The following SORCS1 variants were observed in gnomAD, a reference collection of about 807,000 sequenced individuals.
SORCS1 encodes the protein VPS10 domain-containing receptor SorCS1.
A neutral mutation model predicts 146.1 loss-of-function variants in SORCS1; 60 were observed. That is an observed-to-expected ratio of 0.41 (90% CI 0.33 to 0.51). The LOEUF is 0.51. Among genes scored for constraint, SORCS1 ranks in the 20% least tolerant of loss-of-function variants. The pLI is 0.21. For missense variants in SORCS1, 1,352 were observed against 1,487.6 expected (o/e 0.91, Z 1.50); for synonymous variants, 637 against 584.0 (o/e 1.09, Z -1.31).
intron 19 of SORCS1, among the ~76,000 whole-genome samples, chr10:106,627,774 A>C (rs944840040): frequency 6.6e-6 from 1 of 152,210 alleles, no homozygotes; most frequent in African/African-American, 2.4e-5. Context: ...GGGAGTAGAT[A>C]GTAAAAGCTA....
At chr10:107,127,969 T>G (rs966817716) in intron 1 of SORCS1, among the ~76,000 whole-genome samples, 1 of 152,228 alleles carries the variant, frequency 6.6e-6, no homozygotes, top group Non-Finnish European at 1.5e-5. Context: ...ACACTTATAG[T>G]GATTTCAGCT....
chr10:106,765,581 T>C (rs1859507620), intron 4 of SORCS1, among the ~76,000 whole-genome samples: 1 of 152,064 alleles, frequency 6.6e-6, no homozygotes, highest in Admixed American at 6.6e-5. Flanking sequence ...TGGTAGGCAC[T>C]GACAAAGAGG....
chr10:106,975,685 A>G (rs1366093009), intron 1 of SORCS1, among the ~76,000 whole-genome samples: 4 of 152,242 alleles, frequency 2.6e-5, no homozygotes, highest in Admixed American at 1.3e-4. Context: ...TGATTCTTCA[A>G]TAAGACATCC....
the SORCS1 span, among the ~76,000 whole-genome samples, chr10:107,178,763 C>T: frequency 1.6e-4 from 25 of 152,244 alleles, no homozygotes; most frequent in African/African-American, 6.0e-4. Context: ...GCTGGGATTA[C>T]AGGCGTGAGC....
chr10:106,994,136 A>C (rs927587745), intron 1 of SORCS1, among the ~76,000 whole-genome samples: 2 of 152,014 alleles, frequency 1.3e-5, no homozygotes. Context: ...AGTAAAAACA[A>C]TAAACCCACT....
At chr10:106,691,013 G>A (rs1364744360) in intron 9 of SORCS1, among the ~76,000 whole-genome samples, 1 of 152,124 alleles carries the variant, frequency 6.6e-6, no homozygotes, top group Non-Finnish European at 1.5e-5. Flanking sequence ...AAGCATTAGT[G>A]CCCCAAATGT....
intron 1 of SORCS1, among the ~76,000 whole-genome samples, chr10:106,971,933 G>C (rs1475667364): frequency 6.6e-6 from 1 of 152,184 alleles, no homozygotes; most frequent in Non-Finnish European, 1.5e-5. Context: ...GCCAAATAGA[G>C]TATGTATGGT....
At chr10:106,938,492 A>G (rs937722415) in intron 2 of SORCS1, among the ~76,000 whole-genome samples, 1 of 152,224 alleles carries the variant, frequency 6.6e-6, no homozygotes, top group African/African-American at 2.4e-5. Context: ...TAGCTAAGCT[A>G]ATCAGGACGA....
chr10:107,036,123 T>C (rs1170517132), intron 1 of SORCS1, among the ~76,000 whole-genome samples: 1 of 151,914 alleles, frequency 6.6e-6, no homozygotes, highest in Non-Finnish European at 1.5e-5. Flanking sequence ...CCAGCCTGCT[T>C]GAAGGGGAAA....
chr10:106,802,060 A>G (rs1946930803), intron 3 of SORCS1, among the ~76,000 whole-genome samples: 1 of 152,218 alleles, frequency 6.6e-6, no homozygotes, highest in African/African-American at 2.4e-5. Context: ...CAGGAGGGAT[A>G]TACATGTCTA....
chr10:106,629,601 T>C (rs1442679203), intron 18 of SORCS1, among the ~76,000 whole-genome samples: 1 of 152,186 alleles, frequency 6.6e-6, no homozygotes, highest in Non-Finnish European at 1.5e-5. Flanking sequence ...ACTCCAAATC[T>C]GAAGGACACC....
At chr10:106,668,884 G>A (rs1055948435) in intron 16 of SORCS1, among the ~76,000 whole-genome samples, 4 of 152,092 alleles carry the variant, frequency 2.6e-5, no homozygotes, top group Non-Finnish European at 5.9e-5. Flanking sequence ...AAACCAAGGA[G>A]AAACACTCAG....
intron 1 of SORCS1, among the ~76,000 whole-genome samples, chr10:107,073,761 A>G (rs1000091674): frequency 6.6e-6 from 1 of 152,216 alleles, no homozygotes; most frequent in Non-Finnish European, 1.5e-5. Flanking sequence ...GCCTCCCATA[A>G]AAACAATAAA....
intron 5 of SORCS1, among the ~76,000 whole-genome samples, chr10:106,733,872 G>T (rs985244983): frequency 1.3e-5 from 2 of 152,140 alleles, no homozygotes; most frequent in African/African-American, 4.8e-5. Flanking sequence ...CACTGTCATA[G>T]TTCATAATGA....
intron 17 of SORCS1, among the ~76,000 whole-genome samples, chr10:106,657,701 A>G (rs1324358436): frequency 6.6e-6 from 1 of 151,004 alleles, no homozygotes; most frequent in East Asian, 1.9e-4. Context: ...ATTTTTTTCA[A>G]GAAAATAAAT....
At chr10:107,039,212 C>T (rs1435729431) in intron 1 of SORCS1, among the ~76,000 whole-genome samples, 1 of 151,580 alleles carries the variant, frequency 6.6e-6, no homozygotes, top group South Asian at 2.1e-4. Context: ...CCTGTAATCC[C>T]AGCTACTTGG....
intron 19 of SORCS1, among the ~76,000 whole-genome samples, chr10:106,626,390 G>A (rs1589508653): frequency 6.6e-6 from 1 of 152,144 alleles, no homozygotes; most frequent in South Asian, 2.1e-4. Flanking sequence ...GAGAGATGGA[G>A]TGACTTCCCC....
rs374656899 is a variant in SORCS1 at position 106,699,355 on chromosome 10, G to A, written c.1272C>T (p.Phe424=). The A allele has an allele frequency of 9.3e-6, 15 of 1,613,528 alleles. No individual in the cohort carries two copies. The highest frequency in any genetic ancestry group is 1.6e-4 in the Middle Eastern group (1 of 6,080). ...HVISTDENQV[F]AAVQEWNQND... ...TCTGGTTCCATTCTTGGACCGCTGC[G>A]AACACCTGATTCTCATCGGTGCTGA... The change falls in exon 9 of 26, where the codon TTC becomes TTT. Residue 424 remains phenylalanine (F), a synonymous_variant. Transcript: ENST00000263054.
intron 18 of SORCS1, among the ~76,000 whole-genome samples, 178 bp downstream of exon 18, chr10:106,652,204 A>G (rs1457628883): frequency 6.6e-6 from 1 of 152,258 alleles, no homozygotes; most frequent in Non-Finnish European, 1.5e-5. Flanking sequence ...AATTAAAGAA[A>G]TAGATCAGGG....
Sources: gnomAD v4.1 joint callset for allele counts (sites outside exome capture counted in the v4.1 genomes callset) on GRCh38, gnomAD v4.1.1 for gene constraint, MANE v1.5 for transcripts, NCBI Gene and HGNC (gene_info 2026-07-23, HGNC 2026-07-21) for gene names.